The following SCLY variants were observed in gnomAD, a reference collection of about 807,000 sequenced individuals.
SCLY encodes selenocysteine lyase.
SCLY carries 38 observed loss-of-function variants against 50.1 expected under a neutral mutation model. The observed-to-expected ratio is 0.76, with a 90% CI of 0.59 to 0.99. The LOEUF (loss-of-function observed/expected upper bound fraction) is 0.99. SCLY is among the 50% of genes least tolerant of loss of function. The pLI, the probability that SCLY is intolerant of heterozygous loss-of-function variation, is 0.00. For synonymous variants in SCLY, 243 were observed against 249.4 expected (o/e 0.97, Z 0.24); for missense variants, 600 against 620.0 (o/e 0.97, Z 0.34).
At chr2:238,094,377 T>C (rs370493913) in intron 9 of SCLY, 43 bp from the exon 10 acceptor site, 21 of 1,489,716 alleles carry the variant, frequency 1.4e-5, no homozygotes, top group Non-Finnish European at 2.0e-5. Context: ...CTGGTGGTGG[T>C]GTCTTTGAAG....
rs148189805 is a variant in SCLY, at chr2:238,066,598, C to T, written c.203-1467C>T. Among the ~76,000 whole-genome samples the T allele has an allele frequency of 2.0e-5, 3 of 152,162 alleles. No individual in the cohort carries two copies. The highest frequency in any genetic ancestry group is 1.9e-4 in the East Asian group (1 of 5,178). On this transcript the variant is annotated intron_variant, in intron 2 of 11. Transcript: ENST00000254663. This position sits in a 1 kb window ranked among gnomAD's most constrained non-coding sequence, Gnocchi z 4.1. Reference sequence around the variant, plus strand: ...GGCCTTGGCTTGGTTGGTGGCTGGGCGGTGGAGAGGCAGAGTCAGGTTTGG... The same window carrying T: ...GGCCTTGGCTTGGTTGGTGGCTGGGTGGTGGAGAGGCAGAGTCAGGTTTGG...
intron 7 of SCLY, among the ~76,000 whole-genome samples, chr2:238,089,144 A>G (rs373640287): frequency 1.3e-5 from 2 of 152,246 alleles, no homozygotes; most frequent in Non-Finnish European, 2.9e-5. Context: ...GGACAGTAAC[A>G]TTAAAAATAT....
In SCLY at chr2:238,061,102, G is replaced by A. The variant is rs1400417271; in HGVS notation, c.48G>A (p.Ala16=). 22 of 1,406,590 alleles carry A rather than the reference G, an allele frequency of 1.6e-5. No individual in the cohort carries two copies. The highest frequency in any genetic ancestry group is 3.3e-5 in the Admixed American group (1 of 30,352). The allele number at this position is 1,406,590 out of a possible 1,614,324, so 87.1% of individuals were successfully genotyped here. Residue 16 remains alanine, a synonymous_variant, in exon 1 of 12, where the codon GCG becomes GCA. Coordinates refer to ENST00000254663, the MANE Select transcript of SCLY (RefSeq NM_016510.7). ...APGRDAPAPA[A]SQPSGCGKHN... is the part of the protein sequence containing the mutation. ...GGAGGGATGCGCCGGCACCCGCGGC[G>A]AGTCAGCCCAGCGGCTGCGGGAAAC...
chr2:238,091,560 G>GCTTA, intron 8 of SCLY: 1 of 313,494 alleles, frequency 3.2e-6, no homozygotes, highest in Non-Finnish European at 6.1e-6. Flanking sequence ...CATTCCCAAA[G>GCTTA]GCGTCGGCAG....
At chr2:238,070,422 G>A (rs2065116753) in intron 4 of SCLY, among the ~76,000 whole-genome samples, 1 of 152,294 alleles carries the variant, frequency 6.6e-6, no homozygotes, top group East Asian at 1.9e-4. Context: ...CTCAAGCCTT[G>A]TAATCCTAGC....
chr2:238,065,331 A>G (rs138130813), intron 2 of SCLY, among the ~76,000 whole-genome samples: 4 of 152,348 alleles, frequency 2.6e-5, no homozygotes, highest in African/African-American at 7.2e-5. Flanking sequence ...CCTCGTATCC[A>G]GTCTCTCCTC....
chr2:238,085,625 G>A (rs2106449440), intron 7 of SCLY, among the ~76,000 whole-genome samples: 1 of 152,140 alleles, frequency 6.6e-6, no homozygotes, highest in Non-Finnish European at 1.5e-5. Flanking sequence ...TACCCGGGAG[G>A]CTGAGGCAGG....
At chr2:238,082,713 T>C (rs913783899) in intron 6 of SCLY, 6 of 180,222 alleles carry the variant, frequency 3.3e-5, no homozygotes, top group Non-Finnish European at 4.8e-5. Flanking sequence ...TTTGCACATC[T>C]TTCTGGCAGC....
At position 238,082,160 on chromosome 2, in the gene SCLY, TG is replaced by T. The variant is rs1375651525; in HGVS notation, c.730del (p.Asp244MetfsTer58). Reference protein sequence around the residue: ...DAAQALGKQRVDVEDLGVDFL... With the variant: ...DAAQALGKQRXDVEDLGVDFL... Reference sequence around the variant, plus strand: ...GCACAGGCCTTGGGGAAGCAGCGCGTGGATGTGGAGGACCTGGGCGTGGACT... The same window carrying T: ...GCACAGGCCTTGGGGAAGCAGCGCGTGATGTGGAGGACCTGGGCGTGGACT... On this transcript the variant is annotated frameshift_variant, in exon 6 of 12. Transcript: ENST00000254663. LOFTEE classifies it high-confidence loss of function. 1.9e-6 allele frequency: 3 copies of T among 1,612,064 alleles called. No individual in the cohort carries two copies. The highest frequency in any genetic ancestry group is 2.5e-6 in the Non-Finnish European group (3 of 1,179,814).
At chr2:238,075,082 C>T (rs1238439665) in intron 4 of SCLY, among the ~76,000 whole-genome samples, 5 of 151,970 alleles carry the variant, frequency 3.3e-5, no homozygotes, top group Admixed American at 6.5e-5. Flanking sequence ...TGAGGAAGTT[C>T]CCTTCTGTGC....
chr2:238,099,100 T>C lies in SCLY; in HGVS notation c.*745T>C, dbSNP rs1691382904. The C allele has an allele frequency of 6.0e-6, 2 of 331,348 alleles. No homozygotes were observed. The highest frequency in any genetic ancestry group is 6.0e-6 in the Non-Finnish European group (1 of 165,366). 20.5% of individuals were successfully genotyped at this position (331,348 alleles called of 1,614,324 possible). ...TCCACGGTCCCCAGGCCTTCCTGTCTTGTCCCTTTTGATCATTATTAACTC... is the reference window on the plus strand; with the variant it reads ...TCCACGGTCCCCAGGCCTTCCTGTCCTGTCCCTTTTGATCATTATTAACTC... On this transcript the variant is annotated 3_prime_UTR_variant, in exon 12 of 12. Coordinates refer to ENST00000254663, the MANE Select transcript of SCLY (RefSeq NM_016510.7).
At chr2:238,084,909 A>G (rs1173699572) in intron 7 of SCLY, among the ~76,000 whole-genome samples, 1 of 130,532 alleles carries the variant, frequency 7.7e-6, no homozygotes, top group African/African-American at 3.0e-5. Context: ...AAAAAAAAAA[A>G]AAGAAACCTA....
Position 238,096,816 on chromosome 2 carries a change from C to G in SCLY, c.1124C>G (p.Ala375Gly), listed in dbSNP as rs749954759. Residue 375 changes from alanine (A) to glycine (G), a missense_variant, in exon 11 of 12, where the codon GCG (alanine) becomes GGG (glycine). By Grantham distance (60) the Ala-to-Gly change is moderately conservative. Transcript: ENST00000254663. Reference sequence around the variant, plus strand: ...GTCTCCGCAGGCCACGTGGTGCTTGCGCAGTGCCGAGTGCTGATGGCCAGT... The same window carrying G: ...GTCTCCGCAGGCCACGTGGTGCTTGGGCAGTGCCGAGTGCTGATGGCCAGT... ...GPRLQGHVVL[A>G]QCRVLMASVG... 2.5e-6 allele frequency: 4 copies of G among 1,611,044 alleles called. No homozygotes were observed. In the African/African-American group the frequency reaches 5.3e-5, roughly 21 times the overall value.
chr2:238,067,238 A>G lies in SCLY; in HGVS notation c.203-827A>G, dbSNP rs750867394. Among the ~76,000 whole-genome samples, 8 of 152,222 alleles carry G rather than the reference A, an allele frequency of 5.3e-5. No homozygotes were observed. The highest frequency in any genetic ancestry group is 1.2e-4 in the Non-Finnish European group (8 of 68,030). On this transcript the variant is annotated intron_variant, in intron 2 of 11. Coordinates refer to ENST00000254663, the MANE Select transcript of SCLY (RefSeq NM_016510.7). This position sits in a 1 kb window ranked among gnomAD's most constrained non-coding sequence, Gnocchi z 4.3. ...GAAACTACTACTAAAACTGACATCT[A>G]TACAGTAGCGTTAAGGAGCAGCAGA...
chr2:238,081,119 C>T (rs560627219), intron 4 of SCLY: 4 of 152,614 alleles, frequency 2.6e-5, no homozygotes, highest in Non-Finnish European at 5.9e-5. Context: ...TGGCCAGATA[C>T]CCTTTGTTGG....
chr2:238,088,007 G>T (rs973064379), intron 7 of SCLY, among the ~76,000 whole-genome samples: 7 of 152,328 alleles, frequency 4.6e-5, no homozygotes, highest in Admixed American at 2.0e-4. Context: ...TAGGAGGATT[G>T]CTTGAGTGAG....
intron 4 of SCLY, among the ~76,000 whole-genome samples, chr2:238,070,398 G>T (rs1295913132): frequency 6.6e-6 from 1 of 152,090 alleles, no homozygotes; most frequent in Non-Finnish European, 1.5e-5. Context: ...AATTTTTTTG[G>T]CTGGGCGCAG....
intron 4 of SCLY, among the ~76,000 whole-genome samples, chr2:238,074,709 C>T (rs188474052): frequency 2.0e-5 from 3 of 152,282 alleles, no homozygotes; most frequent in Non-Finnish European, 4.4e-5. Context: ...TCTTGAACTC[C>T]TGACCTCAGG....
intron 1 of SCLY, among the ~76,000 whole-genome samples, chr2:238,062,128 T>G (rs990428474): frequency 6.6e-6 from 1 of 152,186 alleles, no homozygotes; most frequent in Admixed American, 6.5e-5. Flanking sequence ...GATAGCATTT[T>G]AAGGAAGCAG....
Sources: gnomAD v4.1 joint callset for allele counts (sites outside exome capture counted in the v4.1 genomes callset) on GRCh38, gnomAD v4.1.1 for gene constraint, Gnocchi (gnomAD v3.1) non-coding constraint, MANE v1.5 for transcripts, NCBI Gene and HGNC (gene_info 2026-07-23, HGNC 2026-07-21) for gene names.